SIM1: variants seen among roughly 807,000 people sequenced by gnomAD.
The protein encoded by SIM1 is single-minded homolog 1.
SIM1 carries 18 observed loss-of-function variants against 78.2 expected under a neutral mutation model. That is an observed-to-expected ratio of 0.23 (90% CI 0.16 to 0.34). SIM1 has a LOEUF of 0.34. Among genes scored for constraint, SIM1 ranks in the 10% least tolerant of loss-of-function variants. SIM1 has a pLI of 1.00. For missense variants in SIM1, 939 were observed against 975.1 expected (o/e 0.96, Z 0.49); for synonymous variants, 417 against 385.2 (o/e 1.08, Z -0.97).
chr6:100,453,550 CCT>C (rs1486155458), intron 3 of SIM1, among the ~76,000 whole-genome samples: 7 of 152,172 alleles, frequency 4.6e-5, no homozygotes, highest in African/African-American at 1.7e-4. Flanking sequence ...TCCCTCTCAG[CCT>C]CTTGAGGCAT....
chr6:100,460,210 C>T (rs985231280), intron 2 of SIM1, among the ~76,000 whole-genome samples: 1 of 151,820 alleles, frequency 6.6e-6, no homozygotes, highest in Non-Finnish European at 1.5e-5. Context: ...AAAGCTGAAA[C>T]TTGCCCCCAG....
At chr6:100,452,985 G>A (rs1295886241) in intron 3 of SIM1, among the ~76,000 whole-genome samples, 2 of 152,222 alleles carry the variant, frequency 1.3e-5, no homozygotes, top group East Asian at 1.9e-4. Flanking sequence ...AGGCTTCCAG[G>A]AGAGTAGCTC....
chr6:100,459,619 A>C (rs906700686), intron 2 of SIM1, among the ~76,000 whole-genome samples: 1 of 152,256 alleles, frequency 6.6e-6, no homozygotes, highest in Non-Finnish European at 1.5e-5. Flanking sequence ...AATATTATAG[A>C]AACCATCTGT....
rs151011369 is a variant in SIM1 at position 100,448,592 on chromosome 6, C to T, written c.630G>A (p.Leu210=). The T allele has an allele frequency of 6.9e-5, 112 of 1,614,006 alleles. 1 individual carries two copies. The African/African-American group carries it at 1.4e-3, about 20-fold the overall frequency. The stretch of plus-strand genomic sequence containing the variant: ...GAGGCAGCGAGTGGCCCACGGCCAC[C>T]AGGCCCACGTTTTGGTAGCAGCCGT... ...PFDGCYQNVG[L]VAVGHSLPPS... is the part of the protein sequence containing the mutation. The change falls in exon 7 of 12, where the codon CTG becomes CTA. Residue 210 remains leucine (L), a synonymous_variant. Transcript: ENST00000369208.
chr6:100,404,741 T>C (rs905289365), intron 10 of SIM1, among the ~76,000 whole-genome samples: 4 of 152,266 alleles, frequency 2.6e-5, no homozygotes, highest in South Asian at 2.1e-4. Context: ...CTTACACACA[T>C]TGGAAATTGC....
chr6:100,402,567 CTTTTTTTT>C (rs869130841), intron 10 of SIM1, among the ~76,000 whole-genome samples: 349 of 76,292 alleles, frequency 4.6e-3, no homozygotes, highest in Middle Eastern at 0.019. Context: ...TTTCTTTTCT[CTTTTTTTT>C]TTTTTTTTTT....
chr6:100,402,547 A>G (rs1407349389), intron 10 of SIM1, among the ~76,000 whole-genome samples: 1 of 105,754 alleles, frequency 9.5e-6, no homozygotes, highest in East Asian at 4.7e-4. Flanking sequence ...TGGTATTGAC[A>G]TTATTTTCTT....
chr6:100,419,688 CT>C (rs1771512004), intron 10 of SIM1, among the ~76,000 whole-genome samples: 1 of 152,264 alleles, frequency 6.6e-6, no homozygotes, highest in South Asian at 2.1e-4. Flanking sequence ...GTCGCCCAGC[CT>C]GGAGTGCAAT....
Position 100,441,707 on chromosome 6 carries a change from G to T in SIM1, c.998+5561C>A, listed in dbSNP as rs759789232. Among the ~76,000 whole-genome samples, 26 of 152,164 alleles carry T rather than the reference G, an allele frequency of 1.7e-4. 1 individual carries two copies. Among genetic ancestry groups the T allele is most frequent in the Admixed American group, 3.9e-4 (6 of 15,290 alleles). On this transcript the variant is annotated intron_variant, in intron 9 of 11. Transcript: ENST00000369208. ...GAAAATGTCCTTAGTGAAACTTATG[G>T]GGAAAAAATGAGACATTCTTAATTG...
Position 100,463,472 on chromosome 6 carries a change from G to A in SIM1, c.-4C>T, listed in dbSNP as rs995436818. ...CATTTTTGGACTTTTCTTTCATTGT[G>A]TCTTGTTCCCCCTTTCTTCTCACAA... On this transcript the variant is annotated 5_prime_UTR_variant, in exon 2 of 12. Coordinates refer to ENST00000369208, the MANE Select transcript of SIM1 (RefSeq NM_005068.3). 2.5e-6 allele frequency: 4 copies of A among 1,596,314 alleles called. No individual in the cohort carries two copies. Among genetic ancestry groups the A allele is most frequent in the Admixed American group, 1.7e-5 (1 of 59,484 alleles).
At chr6:100,391,241 G>C (rs753306792) in intron 11 of SIM1, 150 bp from the exon 12 acceptor site, 142 of 800,900 alleles carry the variant, frequency 1.8e-4, no homozygotes, top group Non-Finnish European at 2.5e-4. Flanking sequence ...GTGAGCACAT[G>C]AGTGACACAT....
chr6:100,416,446 T>C (rs1051116770), intron 10 of SIM1, among the ~76,000 whole-genome samples: 1 of 152,150 alleles, frequency 6.6e-6, no homozygotes. Context: ...ACCATTTATG[T>C]AAGTAGCTAA....
intron 9 of SIM1, among the ~76,000 whole-genome samples, chr6:100,443,917 CTCTTT>C (rs1772283246): frequency 6.6e-6 from 1 of 151,980 alleles, no homozygotes; most frequent in African/African-American, 2.4e-5. Flanking sequence ...TCATTTACTT[CTCTTT>C]TAACTTTTAT....
intron 9 of SIM1, among the ~76,000 whole-genome samples, chr6:100,441,360 C>T (rs1378864773): frequency 6.6e-6 from 1 of 152,170 alleles, no homozygotes; most frequent in Non-Finnish European, 1.5e-5. Flanking sequence ...CCCCTGCTGC[C>T]ATATATCCCC....
chr6:100,423,007 A>C (rs1241929546), intron 9 of SIM1, among the ~76,000 whole-genome samples: 1 of 152,214 alleles, frequency 6.6e-6, no homozygotes. Context: ...TCTTTTAAAA[A>C]AATGTTCTTC....
intron 2 of SIM1, among the ~76,000 whole-genome samples, chr6:100,461,580 C>G (rs1031734748): frequency 6.6e-6 from 1 of 152,216 alleles, no homozygotes; most frequent in East Asian, 1.9e-4. Context: ...AGAAAGGGAG[C>G]CCACTGAGAC....
Position 100,448,234 on chromosome 6 carries a change from C to T in SIM1, c.762G>A (p.Gly254=), listed in dbSNP as rs751326987. 7.4e-6 allele frequency: 12 copies of T among 1,613,176 alleles called. No individual in the cohort carries two copies. In the East Asian group the frequency reaches 2.2e-4, roughly 30 times the overall value. ...TCTCAATCAGGTCCTGAGGTTCGTA[C>T]CCCGTCAGCTCCGCCACCCTGAGGA... is the stretch of plus-strand genomic sequence containing the variant. ...FLDSRVAELT[G]YEPQDLIEKT... is the part of the protein sequence containing the mutation. Residue 254 remains glycine, a synonymous_variant, in exon 8 of 12, where the codon GGG becomes GGA. Transcript: ENST00000369208.
In SIM1 at chr6:100,399,944, C is replaced by T. The variant is rs1055676783; in HGVS notation, c.1168-6055G>A. Among the ~76,000 whole-genome samples, 10 of 151,784 alleles carry T rather than the reference C, an allele frequency of 6.6e-5. No individual in the cohort carries two copies. In the East Asian group the frequency reaches 1.2e-3, roughly 18 times the overall value. On this transcript the variant is annotated intron_variant, in intron 10 of 11. Coordinates refer to ENST00000369208, the MANE Select transcript of SIM1 (RefSeq NM_005068.3). ...CAAGGCAAATGTAGACAATAAGAAACCAAGAGTTTGGATTATAAAACCAAG... is the reference window on the plus strand; with the variant it reads ...CAAGGCAAATGTAGACAATAAGAAATCAAGAGTTTGGATTATAAAACCAAG...
chr6:100,397,083 T>G (rs1451270234), intron 10 of SIM1, among the ~76,000 whole-genome samples: 1 of 152,230 alleles, frequency 6.6e-6, no homozygotes, highest in African/African-American at 2.4e-5. Flanking sequence ...TCTACAAATT[T>G]TTATTGTCAT....
Sources: gnomAD v4.1 joint callset for allele counts (sites outside exome capture counted in the v4.1 genomes callset) on GRCh38, gnomAD v4.1.1 for gene constraint, MANE v1.5 for transcripts, NCBI Gene and HGNC (gene_info 2026-07-23, HGNC 2026-07-21) for gene names.